MTCL2: variants seen among roughly 807,000 people sequenced by gnomAD.
MTCL2 encodes the protein microtubule crosslinking factor 2.
At chr20:36,837,556 T>C in the MTCL2 span, among the ~76,000 whole-genome samples, 4 of 124,826 alleles carry the variant, frequency 3.2e-5, no homozygotes, top group African/African-American at 6.0e-5. Context: ...ACATTATTAT[T>C]ATTATTATTA....
chr20:36,862,203 G>A, the MTCL2 span, among the ~76,000 whole-genome samples: 1 of 152,242 alleles, frequency 6.6e-6, no homozygotes, highest in Non-Finnish European at 1.5e-5. Flanking sequence ...AAAGCCCTGG[G>A]TAACGACTCA....
chr20:36,786,603 G>T, the MTCL2 span: 100 of 1,550,874 alleles, frequency 6.4e-5, 1 homozygote, highest in South Asian at 1.0e-3. Context: ...GAAGCAGGAG[G>T]TGAGAGACTG....
At chr20:36,802,014 G>A in the MTCL2 span, among the ~76,000 whole-genome samples, 2 of 151,994 alleles carry the variant, frequency 1.3e-5, no homozygotes, top group African/African-American at 4.8e-5. Flanking sequence ...GGCCGGGCAT[G>A]GTGGCTCACT....
the MTCL2 span, among the ~76,000 whole-genome samples, chr20:36,809,102 T>A: frequency 6.6e-6 from 1 of 152,106 alleles, no homozygotes; most frequent in Non-Finnish European, 1.5e-5. Flanking sequence ...GCAAAGGGCG[T>A]GCCAGGGTTG....
chr20:36,797,585 C>A, the MTCL2 span: 1 of 1,555,036 alleles, frequency 6.4e-7, no homozygotes. Flanking sequence ...TGGGCAAGGG[C>A]AGAGAGGGTG....
chr20:36,811,403 A>G, the MTCL2 span, among the ~76,000 whole-genome samples: 1 of 152,064 alleles, frequency 6.6e-6, no homozygotes, highest in Non-Finnish European at 1.5e-5. Context: ...CTGAGACGGG[A>G]AGATCACTTG....
chr20:36,839,043 T>C, the MTCL2 span, among the ~76,000 whole-genome samples: 1 of 151,918 alleles, frequency 6.6e-6, no homozygotes, highest in South Asian at 2.1e-4. This position sits in a 1 kb window ranked among gnomAD's most constrained non-coding sequence, Gnocchi z 5.1. Flanking sequence ...GGGATACCCT[T>C]GATAGAAGCC....
At chr20:36,778,092 A>G in the MTCL2 span, 1 of 398,286 alleles carries the variant, frequency 2.5e-6, no homozygotes. Context: ...TAAAACCAAG[A>G]CAAGTGAGAG....
chr20:36,857,411 A>G, the MTCL2 span, among the ~76,000 whole-genome samples: 1 of 152,016 alleles, frequency 6.6e-6, no homozygotes, highest in South Asian at 2.1e-4. Flanking sequence ...ATCCTCTCTA[A>G]TCTGTCTGGA....
chr20:36,831,670 G>T, the MTCL2 span, among the ~76,000 whole-genome samples: 2 of 152,216 alleles, frequency 1.3e-5, no homozygotes, highest in Non-Finnish European at 2.9e-5. Context: ...GATCTCGTAG[G>T]ACAGCCAGGA....
the MTCL2 span, chr20:36,839,186 C>T: frequency 6.4e-7 from 1 of 1,568,964 alleles, no homozygotes; most frequent in African/African-American, 1.3e-5. The surrounding 1 kb of genome is among the most constrained non-coding windows in gnomAD (Gnocchi z 5.1). Context: ...GGTCCCATCC[C>T]AGCAACAAGG....
the MTCL2 span, among the ~76,000 whole-genome samples, chr20:36,786,915 C>G: frequency 7.8e-4 from 118 of 152,254 alleles, no homozygotes; most frequent in East Asian, 0.021. Context: ...ATACATTTAC[C>G]AAAATGACAG....
At chr20:36,804,178 G>A in the MTCL2 span, among the ~76,000 whole-genome samples, 1 of 152,120 alleles carries the variant, frequency 6.6e-6, no homozygotes, top group African/African-American at 2.4e-5. Context: ...CTTGCAGCAG[G>A]GGCAGGCTGG....
chr20:36,806,482 T>C, the MTCL2 span, among the ~76,000 whole-genome samples: 2 of 152,220 alleles, frequency 1.3e-5, no homozygotes, highest in Admixed American at 6.5e-5. Flanking sequence ...GGTAAATGTA[T>C]ATATTTCTTA....
At chr20:36,833,056 C>A in the MTCL2 span, among the ~76,000 whole-genome samples, 6 of 152,336 alleles carry the variant, frequency 3.9e-5, no homozygotes, top group East Asian at 1.2e-3. Flanking sequence ...TATCCCCATT[C>A]TGAGGCTCAG....
the MTCL2 span, among the ~76,000 whole-genome samples, chr20:36,811,756 A>G: frequency 6.6e-6 from 1 of 152,272 alleles, no homozygotes; most frequent in South Asian, 2.1e-4. Context: ...CTGATCCATC[A>G]GCTTCAAGTG....
At chr20:36,834,162 C>CA in the MTCL2 span, among the ~76,000 whole-genome samples, 2,610 of 100,500 alleles carry the variant, frequency 0.026, 34 homozygotes, top group African/African-American at 0.037. Context: ...GACTTCATCT[C>CA]AAAAAAAAAA....
the MTCL2 span, among the ~76,000 whole-genome samples, chr20:36,838,151 C>T: frequency 1.3e-5 from 2 of 151,866 alleles, no homozygotes; most frequent in Non-Finnish European, 2.9e-5. Flanking sequence ...CGTGGGTTCA[C>T]GCCATTCTCC....
the MTCL2 span, chr20:36,786,460 T>G: frequency 6.6e-7 from 1 of 1,510,088 alleles, no homozygotes; most frequent in Non-Finnish European, 8.9e-7. Flanking sequence ...CTGGGCTGGT[T>G]GAGGCGGGGA....
Sources: allele counts gnomAD v4.1 joint callset (sites outside exome capture counted in the v4.1 genomes callset), GRCh38; gene constraint gnomAD v4.1.1; non-coding constraint Gnocchi (gnomAD v3.1); transcripts MANE v1.5; gene names NCBI Gene and HGNC (gene_info 2026-07-23, HGNC 2026-07-21).